COL11A1: variants seen among roughly 807,000 people sequenced by gnomAD.
COL11A1 encodes the protein collagen type XI alpha 1 chain, also known as collagen alpha-1(XI) chain.
A neutral mutation model predicts 265.2 loss-of-function variants in COL11A1; 74 were observed. The observed-to-expected ratio is 0.28, with a 90% CI of 0.23 to 0.34. The LOEUF is 0.34. Ranked by LOEUF, COL11A1 falls within the 10% of genes least tolerant of loss-of-function variation. The pLI is 1.00. For missense variants in COL11A1, 2,165 were observed against 2,263.6 expected (o/e 0.96, Z 0.88); for synonymous variants, 816 against 727.6 (o/e 1.12, Z -1.96).
intron 1 of COL11A1, 71 bp from the exon 2 acceptor site, chr1:103,083,043 A>G: frequency 2.8e-6 from 4 of 1,412,742 alleles, no homozygotes; most frequent in East Asian, 2.3e-5. Context: ...TATTTTTAAC[A>G]CAGGATAGTA....
intron 4 of COL11A1, among the ~76,000 whole-genome samples, chr1:103,059,555 A>T (rs1485084895): frequency 6.6e-6 from 1 of 152,198 alleles, no homozygotes; most frequent in Non-Finnish European, 1.5e-5. Context: ...TATGGCAGAA[A>T]GGTTGGAATT....
At position 102,881,763 on chromosome 1, in the gene COL11A1, T is replaced by A. The variant is rs768746335; in HGVS notation, c.4974A>T (p.Val1658=). 6.2e-7 allele frequency: 1 copy of A among 1,612,314 alleles called. No homozygotes were observed. The highest frequency in any genetic ancestry group is 8.5e-7 in the Non-Finnish European group (1 of 1,178,910). Residue 1658 remains valine (V), a splice_region_variant and synonymous_variant, in exon 65 of 67, where the codon GTA becomes GTT. Coordinates refer to ENST00000370096, the MANE Select transcript of COL11A1 (RefSeq NM_001854.4). Reference sequence around the variant, plus strand: ...TCTCCTTTGGCCATGATGAAATTCTTACCTGTTGCAAAGGAACAGAAAAGT... The same window carrying A: ...TCTCCTTTGGCCATGATGAAATTCTAACCTGTTGCAAAGGAACAGAAAAGT... ...CIYPDKKSEG[V]RISSWPKEKP...
chr1:102,934,881 T>C (rs1334240606), intron 45 of COL11A1, among the ~76,000 whole-genome samples, 179 bp downstream of exon 45: 1 of 152,264 alleles, frequency 6.6e-6, no homozygotes, highest in Non-Finnish European at 1.5e-5. Context: ...GAAGTTACAA[T>C]ATGTTTTGTT....
chr1:102,986,114 A>T (rs1406427069), intron 30 of COL11A1, among the ~76,000 whole-genome samples: 1 of 151,988 alleles, frequency 6.6e-6, no homozygotes, highest in Non-Finnish European at 1.5e-5. Flanking sequence ...AATTTTCTTA[A>T]ATAGCATTAT....
chr1:103,021,917 C>T lies in COL11A1; in HGVS notation c.1246-148G>A, dbSNP rs141577344. On this transcript the variant is annotated intron_variant, in intron 8 of 66. Transcript: ENST00000370096. ...GGTTAGAGTGCAGTGGCTCGATCTC[C>T]GCTCACTGCAAGCTCGCCTGCCGGG... 1.3e-4 allele frequency: 88 copies of T among 655,820 alleles called. 1 individual carries two copies. Among genetic ancestry groups the T allele is most frequent in the African/African-American group, 1.0e-3 (57 of 54,594 alleles). 40.6% of individuals were successfully genotyped at this position (655,820 alleles called of 1,614,324 possible).
intron 5 of COL11A1, among the ~76,000 whole-genome samples, chr1:103,027,927 G>T (rs1667676019): frequency 6.6e-6 from 1 of 152,062 alleles, no homozygotes; most frequent in Non-Finnish European, 1.5e-5. Context: ...CTCTCCAAAT[G>T]TTGACTAACC....
At chr1:103,061,822 G>C (rs530567313) in intron 4 of COL11A1, among the ~76,000 whole-genome samples, 2 of 151,750 alleles carry the variant, frequency 1.3e-5, no homozygotes, top group Non-Finnish European at 2.9e-5. Flanking sequence ...GAAATAAACA[G>C]AACAAAAGAA....
At chr1:103,001,720 G>T (rs1665123963) in intron 24 of COL11A1, 1 of 602,990 alleles carries the variant, frequency 1.7e-6, no homozygotes, top group Non-Finnish European at 3.0e-6. Context: ...TGTTTAAATG[G>T]TAACTGAAGT....
chr1:102,998,388 A>T, intron 24 of COL11A1, 25 bp from the exon 25 acceptor site: 1 of 1,496,586 alleles, frequency 6.7e-7, no homozygotes, highest in African/African-American at 1.4e-5. Flanking sequence ...AAAAATATTA[A>T]AAAGATAAAA....
At chr1:102,889,000 T>C (rs1651389478) in intron 59 of COL11A1, 81 bp from the exon 60 acceptor site, 8 of 1,288,592 alleles carry the variant, frequency 6.2e-6, no homozygotes, top group Non-Finnish European at 9.0e-6. Context: ...AATATTTTCA[T>C]AACAGCATAC....
chr1:102,886,914 T>C lies in COL11A1; in HGVS notation c.4751A>G (p.Asn1584Ser). ...DGMEEIFGSLNSLKQDIEHMK... is the reference protein window; with the variant it reads ...DGMEEIFGSLSSLKQDIEHMK... The stretch of plus-strand genomic sequence containing the variant: ...ATGCTCAATGTCTTGTTTCAGGGAA[T>C]TGAGGGAACCAAATATTTCTTCCAT... The change falls in exon 63 of 67, where the codon AAT becomes AGT. Residue 1584 changes from asparagine to serine, a missense_variant. By Grantham distance (46) the Asn-to-Ser change is conservative. Coordinates refer to ENST00000370096, the MANE Select transcript of COL11A1 (RefSeq NM_001854.4). The C allele has an allele frequency of 6.2e-7, 1 of 1,613,840 alleles. No individual in the cohort carries two copies. Among genetic ancestry groups the C allele is most frequent in the Non-Finnish European group, 8.5e-7 (1 of 1,179,802 alleles).
chr1:102,988,169 A>T (rs1007679189), intron 29 of COL11A1, among the ~76,000 whole-genome samples: 1 of 152,054 alleles, frequency 6.6e-6, no homozygotes, highest in African/African-American at 2.4e-5. Flanking sequence ...TGCATTTCTG[A>T]CAACCAGCTG....
intron 63 of COL11A1, among the ~76,000 whole-genome samples, chr1:102,883,857 G>A (rs879273102): frequency 1.3e-5 from 2 of 151,796 alleles, no homozygotes; most frequent in East Asian, 3.9e-4. Flanking sequence ...TTGAAGGGGG[G>A]TCCTAAGAAG....
chr1:102,950,876 C>G (rs1006050237), intron 41 of COL11A1, among the ~76,000 whole-genome samples: 2 of 152,092 alleles, frequency 1.3e-5, no homozygotes, highest in Non-Finnish European at 1.5e-5. Flanking sequence ...GGTCAGTTTC[C>G]CCCATGCTGT....
In COL11A1 at chr1:103,002,656, T is replaced by C; in HGVS notation, c.2043+91A>G. ...ATCTAATATACTTAGCAAAATGTAA[T>C]AAATCATTATATTTTAGATTTAACA... On this transcript the variant is annotated intron_variant, in intron 22 of 66. Coordinates refer to ENST00000370096, the MANE Select transcript of COL11A1 (RefSeq NM_001854.4). The C allele has an allele frequency of 3.2e-6, 4 of 1,242,954 alleles. No individual in the cohort carries two copies. In the South Asian group the frequency reaches 4.9e-5, roughly 15 times the overall value. 77.0% of individuals were successfully genotyped at this position (1,242,954 alleles called of 1,614,324 possible). A position where few individuals can be genotyped will look rare whatever the true frequency, so the allele number is the denominator to read the frequency against.
chr1:103,000,896 C>T, intron 24 of COL11A1: 1 of 340,968 alleles, frequency 2.9e-6, no homozygotes. Context: ...ACCTGGTATA[C>T]CCAATCAATG....
intron 46 of COL11A1, among the ~76,000 whole-genome samples, chr1:102,933,382 G>C (rs1199054897): frequency 6.1e-5 from 9 of 146,886 alleles, no homozygotes; most frequent in Non-Finnish European, 1.4e-4. Context: ...CTGCTGGGGG[G>C]TGCCTCCCAG....
chr1:103,040,151 T>C (rs1388719426), intron 4 of COL11A1, among the ~76,000 whole-genome samples: 1 of 151,994 alleles, frequency 6.6e-6, no homozygotes, highest in Non-Finnish European at 1.5e-5. Context: ...TTTGTATCAT[T>C]AATTCCATCT....
At chr1:102,946,519 AC>A (rs1384674065) in intron 42 of COL11A1, among the ~76,000 whole-genome samples, 1 of 152,080 alleles carries the variant, frequency 6.6e-6, no homozygotes, top group Non-Finnish European at 1.5e-5. Flanking sequence ...TAAAAAGTTC[AC>A]ACTTTTCTAA....
Sources: gnomAD v4.1 joint callset for allele counts (sites outside exome capture counted in the v4.1 genomes callset) on GRCh38, gnomAD v4.1.1 for gene constraint, MANE v1.5 for transcripts, NCBI Gene and HGNC (gene_info 2026-07-23, HGNC 2026-07-21) for gene names.